The following NELL2 variants were observed in gnomAD, a reference collection of about 807,000 sequenced individuals.
NELL2 encodes the protein protein kinase C-binding protein NELL2.
A neutral mutation model predicts 109.6 loss-of-function variants in NELL2; 41 were observed. The ratio of observed to expected loss-of-function variants is 0.37; its 90% CI spans 0.29 to 0.49. NELL2 has a LOEUF of 0.49. Among genes scored for constraint, NELL2 ranks in the 20% least tolerant of loss-of-function variants. NELL2 has a pLI of 0.98. For synonymous variants in NELL2, 355 were observed against 344.7 expected (o/e 1.03, Z -0.33); for missense variants, 900 against 1,008.3 (o/e 0.89, Z 1.45).
intron 13 of NELL2, among the ~76,000 whole-genome samples, chr12:44,624,452 C>G (rs1361404898): frequency 6.6e-6 from 1 of 152,088 alleles, no homozygotes; most frequent in Non-Finnish European, 1.5e-5. Context: ...ATTCTACCCT[C>G]CTCTAATTAC....
intron 13 of NELL2, among the ~76,000 whole-genome samples, chr12:44,643,238 T>C (rs1946927562): frequency 6.6e-6 from 1 of 152,196 alleles, no homozygotes; most frequent in Non-Finnish European, 1.5e-5. Flanking sequence ...AGTGAAATTC[T>C]AGAAAGAGCT....
intron 2 of NELL2, among the ~76,000 whole-genome samples, chr12:44,856,798 G>A (rs927839711): frequency 3.9e-5 from 6 of 152,138 alleles, no homozygotes; most frequent in African/African-American, 1.2e-4. Context: ...TGAGTGAAAC[G>A]AAGAACCCCT....
At chr12:44,538,301 G>A (rs1293130259) in intron 15 of NELL2, among the ~76,000 whole-genome samples, 1 of 152,156 alleles carries the variant, frequency 6.6e-6, no homozygotes, top group Non-Finnish European at 1.5e-5. Context: ...CTTTGAACTA[G>A]GAATAATACT....
rs533840027 is a variant in NELL2 at position 44,511,578 on chromosome 12, T to C, written c.2401-2594A>G. On this transcript the variant is annotated intron_variant, in intron 19 of 19. Coordinates refer to ENST00000429094, the MANE Select transcript of NELL2 (RefSeq NM_001145108.2). ...CTGGAAATTGAGGGGGAAATATCTA[T>C]AAAAGAAGAAGTGAATCAGTAAACA... 4.6e-5 allele frequency among the ~76,000 whole-genome samples: 7 copies of C among 152,282 alleles called. No individual in the cohort carries two copies. The South Asian group carries it at 1.0e-3, about 23-fold the overall frequency.
chr12:44,712,055 C>A (rs1426800855), intron 10 of NELL2, among the ~76,000 whole-genome samples: 1 of 152,078 alleles, frequency 6.6e-6, no homozygotes, highest in African/African-American at 2.4e-5. Flanking sequence ...ACAAAATACA[C>A]TTCTGATAAT....
chr12:44,857,965 T>G (rs1030706732), intron 2 of NELL2, among the ~76,000 whole-genome samples: 4 of 152,122 alleles, frequency 2.6e-5, no homozygotes, highest in Non-Finnish European at 2.9e-5. Flanking sequence ...CACATGAAAG[T>G]CATCTGACTT....
chr12:44,665,235 T>C (rs1425831957), intron 13 of NELL2, among the ~76,000 whole-genome samples: 1 of 152,144 alleles, frequency 6.6e-6, no homozygotes, highest in East Asian at 1.9e-4. Context: ...ATACTAAGTA[T>C]AAATGTAGCA....
intron 15 of NELL2, among the ~76,000 whole-genome samples, chr12:44,580,920 C>T (rs1281572687): frequency 6.6e-6 from 1 of 151,976 alleles, no homozygotes; most frequent in East Asian, 1.9e-4. Flanking sequence ...TAAATTACTG[C>T]AATATTTTAA....
At chr12:44,634,581 A>G (rs1339121529) in intron 13 of NELL2, among the ~76,000 whole-genome samples, 1 of 152,162 alleles carries the variant, frequency 6.6e-6, no homozygotes, top group East Asian at 1.9e-4. Flanking sequence ...ATTGATGGGC[A>G]TTTGTGTTGG....
In NELL2 at chr12:44,816,156, A is replaced by C. The variant is rs1943341385; in HGVS notation, c.185-20T>G. On this transcript the variant is annotated intron_variant, in intron 2 of 19. Coordinates refer to ENST00000429094, the MANE Select transcript of NELL2 (RefSeq NM_001145108.2). ...GAGTATCTAAAAAAGAAACAAACAT[A>C]TACTAAGAATAGTAGAATTTGATTT... 6.4e-7 allele frequency: 1 copy of C among 1,553,852 alleles called. No homozygotes were observed.
intron 2 of NELL2, among the ~76,000 whole-genome samples, chr12:44,821,858 C>T (rs1261673336): frequency 6.6e-6 from 1 of 151,920 alleles, no homozygotes; most frequent in African/African-American, 2.4e-5. Flanking sequence ...GCTGGAACTA[C>T]AAGTGTGCAC....
At chr12:44,631,097 C>T (rs1409109531) in intron 13 of NELL2, among the ~76,000 whole-genome samples, 1 of 151,922 alleles carries the variant, frequency 6.6e-6, no homozygotes, top group Non-Finnish European at 1.5e-5. Flanking sequence ...TATTATTATA[C>T]TGGCTTCTTT....
intron 1 of NELL2, chr12:44,875,588 G>C (rs771168639): frequency 1.9e-6 from 3 of 1,613,562 alleles, no homozygotes; most frequent in African/African-American, 2.7e-5. Flanking sequence ...TCTCTGCAAA[G>C]TTCCCCCTCA....
At chr12:44,763,946 T>C (rs542907760) in intron 9 of NELL2, among the ~76,000 whole-genome samples, 15 of 152,280 alleles carry the variant, frequency 9.9e-5, no homozygotes, top group Middle Eastern at 6.8e-3. Context: ...TAATTTTGCA[T>C]TGAGACAGCA....
chr12:44,804,604 G>T (rs750596982), intron 3 of NELL2, among the ~76,000 whole-genome samples: 1 of 151,790 alleles, frequency 6.6e-6, no homozygotes, highest in African/African-American at 2.4e-5. Flanking sequence ...ATTTTTAAAT[G>T]AGCCCTTTGT....
chr12:44,910,961 G>A (rs1373217192), intron 1 of NELL2, among the ~76,000 whole-genome samples: 1 of 151,860 alleles, frequency 6.6e-6, no homozygotes, highest in Non-Finnish European at 1.5e-5. Flanking sequence ...GGTACTTTTG[G>A]ACATAAAGAT....
chr12:44,577,623 G>A (rs972040615), intron 15 of NELL2, among the ~76,000 whole-genome samples: 7 of 151,496 alleles, frequency 4.6e-5, no homozygotes, highest in African/African-American at 7.3e-5. Context: ...GAATACAGGC[G>A]CCACCACCAT....
At position 44,634,329 on chromosome 12, in the gene NELL2, C is replaced by A. The variant is rs964754569; in HGVS notation, c.1445-23359G>T. Reference sequence around the variant, plus strand: ...TAATGCTATCCCTTCCCCAGCCCCCCACCCCATGACAGGTCCCAGTGTGTG... The same window carrying A: ...TAATGCTATCCCTTCCCCAGCCCCCAACCCCATGACAGGTCCCAGTGTGTG... On this transcript the variant is annotated intron_variant, in intron 13 of 19. Transcript: ENST00000429094. Among the ~76,000 whole-genome samples the A allele has an allele frequency of 5.3e-5, 8 of 151,826 alleles. No homozygotes were observed. In the South Asian group the frequency reaches 8.4e-4, roughly 16 times the overall value.
chr12:44,538,485 T>C (rs1377003), intron 15 of NELL2, among the ~76,000 whole-genome samples: 57,935 of 152,056 alleles, frequency 0.38, 13,210 homozygotes, highest in East Asian at 0.67. Flanking sequence ...AATACAATTT[T>C]GTAAGACGGA....
Sources: allele counts gnomAD v4.1 joint callset (sites outside exome capture counted in the v4.1 genomes callset), GRCh38; gene constraint gnomAD v4.1.1; transcripts MANE v1.5; gene names NCBI Gene and HGNC (gene_info 2026-07-23, HGNC 2026-07-21).